Variants in KHDC1 observed in about 807,000 individuals in gnomAD.
KHDC1 encodes the protein KH homology domain-containing protein 1.
KHDC1 carries 21 observed loss-of-function variants against 24.7 expected under a neutral mutation model. The ratio of observed to expected loss-of-function variants is 0.85; its 90% CI spans 0.60 to 1.23. The LOEUF (loss-of-function observed/expected upper bound fraction) is 1.23, where lower values mean the gene tolerates loss of function less well. Ranked by LOEUF, KHDC1 falls within the 50% of genes most tolerant of loss-of-function variation. The pLI, the probability that KHDC1 is intolerant of heterozygous loss-of-function variation, is 0.00. For missense variants in KHDC1, 274 were observed against 298.5 expected (o/e 0.92, Z 0.61); for synonymous variants, 98 against 111.7 (o/e 0.88, Z 0.77).
intron 4 of KHDC1, 131 bp from the exon 4 acceptor site, chr6:73,241,859 C>A: frequency 9.2e-7 from 1 of 1,089,226 alleles, no homozygotes. Flanking sequence ...AGCCCATTTA[C>A]ACCTCCCAGC....
intron 2 of KHDC1, among the ~76,000 whole-genome samples, chr6:73,247,870 A>AG (rs1195110265): frequency 6.6e-6 from 1 of 151,530 alleles, no homozygotes; most frequent in East Asian, 1.9e-4. Flanking sequence ...AAAAAAAAAA[A>AG]AAAAGAGAGA....
intron 1 of KHDC1, chr6:73,292,408 A>G (rs1281987706): frequency 2.6e-6 from 2 of 778,418 alleles, no homozygotes; most frequent in African/African-American, 3.4e-5. Context: ...GAGCAGCAGA[A>G]TATCTTTATT....
At chr6:73,251,848 A>G (rs1418257759) in intron 2 of KHDC1, among the ~76,000 whole-genome samples, 2 of 143,126 alleles carry the variant, frequency 1.4e-5, no homozygotes, top group African/African-American at 5.3e-5. Context: ...TCCATGCTGG[A>G]GTACAGTAGC....
At chr6:73,292,107 A>G in intron 1 of KHDC1, 3 of 1,601,880 alleles carry the variant, frequency 1.9e-6, no homozygotes, top group Non-Finnish European at 2.6e-6. Flanking sequence ...AGTGATGCCA[A>G]CATGGTAGAC....
intron 1 of KHDC1, among the ~76,000 whole-genome samples, chr6:73,307,373 C>T (rs1232841172): frequency 3.3e-5 from 5 of 150,728 alleles, no homozygotes; most frequent in Non-Finnish European, 5.9e-5. Flanking sequence ...TGCAATGAGC[C>T]GAGATCAGGC....
At chr6:73,243,506 T>G (rs531169000) in intron 2 of KHDC1, among the ~76,000 whole-genome samples, 1 of 152,366 alleles carries the variant, frequency 6.6e-6, no homozygotes, top group Non-Finnish European at 1.5e-5. Context: ...CATGTACATT[T>G]TCTTGCAAAA....
chr6:73,243,442 T>C (rs1457479854), intron 2 of KHDC1, among the ~76,000 whole-genome samples: 1 of 152,244 alleles, frequency 6.6e-6, no homozygotes, highest in Non-Finnish European at 1.5e-5. Flanking sequence ...CAGAATCCAC[T>C]TGTCACAAGT....
chr6:73,243,912 A>G (rs1295329194), intron 2 of KHDC1, among the ~76,000 whole-genome samples: 1 of 152,218 alleles, frequency 6.6e-6, no homozygotes, highest in Non-Finnish European at 1.5e-5. Context: ...AGTGTCATCT[A>G]TTGATTTCTG....
At chr6:73,263,074 G>A (rs1767013917) in intron 2 of KHDC1, 1 of 1,010,610 alleles carries the variant, frequency 9.9e-7, no homozygotes, top group Non-Finnish European at 1.2e-6. Context: ...GGCGGCAGCG[G>A]CGGCAGCGGC....
At chr6:73,284,517 C>G (rs1767481739) in intron 2 of KHDC1, 1 of 152,088 alleles carries the variant, frequency 6.6e-6, no homozygotes, top group African/African-American at 2.4e-5. Flanking sequence ...TATAAAAACT[C>G]TGGCCTCTGA....
At chr6:73,257,676 C>T (rs1015922960) in intron 2 of KHDC1, among the ~76,000 whole-genome samples, 1 of 151,976 alleles carries the variant, frequency 6.6e-6, no homozygotes, top group African/African-American at 2.4e-5. Flanking sequence ...GGATTACAGG[C>T]GTGAGCCACC....
chr6:73,259,174 GT>G, intron 2 of KHDC1, among the ~76,000 whole-genome samples: 1 of 149,746 alleles, frequency 6.7e-6, no homozygotes, highest in Non-Finnish European at 1.5e-5. Flanking sequence ...TTCAGATAGT[GT>G]TTTACTTTCC....
At chr6:73,270,202 A>G (rs992529910) in intron 2 of KHDC1, 2 of 152,076 alleles carry the variant, frequency 1.3e-5, no homozygotes, top group African/African-American at 4.8e-5. Flanking sequence ...TTCTATGCAT[A>G]TATGTGGGTG....
intron 2 of KHDC1, chr6:73,291,485 C>G: frequency 5.8e-6 from 1 of 171,272 alleles, no homozygotes; most frequent in Admixed American, 5.8e-5. Flanking sequence ...TCTAAATTAT[C>G]CACTTTTTTT....
At chr6:73,247,047 G>A (rs930644526) in intron 2 of KHDC1, among the ~76,000 whole-genome samples, 20 of 151,254 alleles carry the variant, frequency 1.3e-4, no homozygotes, top group Admixed American at 5.3e-4. Flanking sequence ...GCATGATCTC[G>A]GCTCACTGTA....
intron 2 of KHDC1, among the ~76,000 whole-genome samples, chr6:73,266,123 A>G (rs186273369): frequency 2.0e-5 from 3 of 152,342 alleles, no homozygotes; most frequent in African/African-American, 4.8e-5. Context: ...AAATAAACTT[A>G]GAAGCAAAGG....
chr6:73,308,776 T>G (rs1768021984), intron 1 of KHDC1, among the ~76,000 whole-genome samples: 2 of 152,158 alleles, frequency 1.3e-5, no homozygotes, highest in Non-Finnish European at 2.9e-5. Context: ...ATTGCAGGTG[T>G]CAGCCACCGC....
At chr6:73,289,348 AAAAAAAAAAAAG>A (rs1278200811) in intron 2 of KHDC1, among the ~76,000 whole-genome samples, 1 of 150,106 alleles carries the variant, frequency 6.7e-6, no homozygotes, top group African/African-American at 2.4e-5. Context: ...AAAAAAAAAA[AAAAAAAAAAAAG>A]AATAAAATCT....
At chr6:73,310,003 A>G (rs1218433139) in exon 1 of KHDC1, 2 of 375,848 alleles carry the variant, frequency 5.3e-6, no homozygotes, top group Non-Finnish European at 9.6e-6. Flanking sequence ...CGGTGATAAC[A>G]TCCACAACGC....
Sources: allele counts gnomAD v4.1 joint callset (sites outside exome capture counted in the v4.1 genomes callset), GRCh38; gene constraint gnomAD v4.1.1; transcripts MANE v1.5; gene names NCBI Gene and HGNC (gene_info 2026-07-23, HGNC 2026-07-21).